SORCS3: variants seen among roughly 807,000 people sequenced by gnomAD.
The protein encoded by SORCS3 is sortilin related VPS10 domain containing receptor 3.
Under a neutral mutation model 146.3 loss-of-function variants are expected in SORCS3, and 57 were observed. The observed-to-expected ratio is 0.39, with a 90% CI of 0.31 to 0.49. SORCS3 has a LOEUF of 0.49. Among genes scored for constraint, SORCS3 ranks in the 20% least tolerant of loss-of-function variants. The pLI is 0.92. For missense variants in SORCS3, 1,341 were observed against 1,575.5 expected (o/e 0.85, Z 2.52); for synonymous variants, 653 against 618.5 (o/e 1.06, Z -0.83).
chr10:105,005,328 A>G (rs897827449), intron 4 of SORCS3, among the ~76,000 whole-genome samples: 2 of 152,226 alleles, frequency 1.3e-5, no homozygotes, highest in African/African-American at 4.8e-5. Context: ...ACATGGAACT[A>G]CACAAATTTT....
intron 7 of SORCS3, among the ~76,000 whole-genome samples, chr10:105,123,194 T>C (rs2055947629): frequency 6.6e-6 from 1 of 152,234 alleles, no homozygotes; most frequent in South Asian, 2.1e-4. Flanking sequence ...AGACTCTTCA[T>C]CCCTTTGGGG....
chr10:105,258,163 A>G (rs564209361), intron 25 of SORCS3, among the ~76,000 whole-genome samples: 4 of 152,206 alleles, frequency 2.6e-5, no homozygotes, highest in South Asian at 4.1e-4. Context: ...CAGGAATTCT[A>G]TCAACACCCT....
At chr10:104,984,776 T>C (rs12265655) in intron 4 of SORCS3, among the ~76,000 whole-genome samples, 48,605 of 152,052 alleles carry the variant, frequency 0.32, 10,533 homozygotes, top group African/African-American at 0.61. Flanking sequence ...TAGCAAGTCA[T>C]GTGAACTTTT....
chr10:104,790,102 C>T (rs2017479346), intron 1 of SORCS3, among the ~76,000 whole-genome samples: 1 of 152,160 alleles, frequency 6.6e-6, no homozygotes, highest in African/African-American at 2.4e-5. Flanking sequence ...TGCAGAAGCA[C>T]CAAGGTGCAG....
chr10:105,201,250 A>C lies in SORCS3; in HGVS notation c.2258A>C (p.Glu753Ala). 6 of 1,605,882 alleles carry C rather than the reference A, an allele frequency of 3.7e-6. No individual in the cohort carries two copies. The highest frequency in any genetic ancestry group is 5.1e-6 in the Non-Finnish European group (6 of 1,176,906). The stretch of plus-strand genomic sequence containing the variant: ...TGTGTCTGTGCCAATTGGGACTTCG[A>C]GTGGTGAGTTGTTTGGCATTTCATT... ...EPCVCANWDFECDYGYERHGE... is the reference protein window; with the variant it reads ...EPCVCANWDFACDYGYERHGE... Residue 753 changes from glutamate to alanine, a missense_variant, in exon 16 of 27, where the codon GAG (glutamate) becomes GCG (alanine). Coordinates refer to ENST00000369701, the MANE Select transcript of SORCS3 (RefSeq NM_014978.3).
intron 3 of SORCS3, among the ~76,000 whole-genome samples, chr10:104,924,693 T>C (rs1376428767): frequency 6.6e-6 from 1 of 152,222 alleles, no homozygotes; most frequent in Non-Finnish European, 1.5e-5. Flanking sequence ...GTTAACTACC[T>C]GTATGGCACT....
intron 2 of SORCS3, among the ~76,000 whole-genome samples, chr10:104,879,435 CAT>C (rs2018609571): frequency 6.6e-6 from 1 of 152,162 alleles, no homozygotes; most frequent in Admixed American, 6.5e-5. Context: ...TGTATAGACT[CAT>C]ATGATTAGAT....
chr10:104,850,994 G>T (rs531301956), intron 2 of SORCS3, among the ~76,000 whole-genome samples: 2 of 152,284 alleles, frequency 1.3e-5, no homozygotes, highest in South Asian at 2.1e-4. Context: ...GCAGACATTA[G>T]CCAGAACACC....
rs1319738812 is a variant in SORCS3 at position 105,147,555 on chromosome 10, C to G, written c.1303-62C>G. On this transcript the variant is annotated intron_variant, in intron 8 of 26. Transcript: ENST00000369701. Reference sequence around the variant, plus strand: ...TTCATAAGTCATAGTAATTACTTGGCATCCCAATGGGCAGAGAGATATGGA... The same window carrying G: ...TTCATAAGTCATAGTAATTACTTGGGATCCCAATGGGCAGAGAGATATGGA... The G allele has an allele frequency of 3.5e-6, 5 of 1,410,522 alleles. No homozygotes were observed. In the East Asian group the frequency reaches 9.6e-5, roughly 27 times the overall value. The allele number at this position is 1,410,522 out of a possible 1,614,324, so 87.4% of individuals were successfully genotyped here. A position where few individuals can be genotyped will look rare whatever the true frequency, so the allele number is the denominator to read the frequency against.
At chr10:104,804,013 G>T (rs1230808858) in intron 1 of SORCS3, among the ~76,000 whole-genome samples, 1 of 152,116 alleles carries the variant, frequency 6.6e-6, no homozygotes, top group African/African-American at 2.4e-5. Context: ...CTGTTTTGGG[G>T]TTTCTATTCA....
chr10:104,710,798 C>G (rs2016406330), intron 1 of SORCS3, among the ~76,000 whole-genome samples: 2 of 152,038 alleles, frequency 1.3e-5, no homozygotes, highest in Non-Finnish European at 2.9e-5. Context: ...CTGAGTTCCT[C>G]TCTCATTAAG....
intron 1 of SORCS3, among the ~76,000 whole-genome samples, chr10:104,652,574 G>T (rs1443906685): frequency 6.6e-6 from 1 of 152,180 alleles, no homozygotes; most frequent in African/African-American, 2.4e-5. Flanking sequence ...TGCAGCTCTT[G>T]CCTTCTTCTG....
chr10:104,757,866 C>T lies in SORCS3; in HGVS notation c.628-84926C>T, dbSNP rs993874734. ...GTTCCCCACTGCCACCACCCCCCCC[C>T]CCACACCCGCTGCCTTGATGCTGAT... On this transcript the variant is annotated intron_variant, in intron 1 of 26. Transcript: ENST00000369701. Among the ~76,000 whole-genome samples the T allele has an allele frequency of 1.2e-3, 16 of 13,454 alleles. 1 individual carries two copies. In the Admixed American group the frequency reaches 0.013, roughly 11 times the overall value. The allele number at this position is 13,454 out of a possible 152,430, so 8.8% of individuals were successfully genotyped here.
At chr10:104,854,134 A>G (rs1196711572) in intron 2 of SORCS3, among the ~76,000 whole-genome samples, 2 of 152,198 alleles carry the variant, frequency 1.3e-5, no homozygotes, top group Non-Finnish European at 2.9e-5. Flanking sequence ...TCATTTCCAC[A>G]TCTGTTCTCC....
rs370493982 is a variant in SORCS3, at chr10:105,025,532, C to T, written c.955-17523C>T. Among the ~76,000 whole-genome samples, 73 of 152,244 alleles carry T rather than the reference C, an allele frequency of 4.8e-4. 2 individuals carry two copies. The South Asian group carries it at 0.014, about 29-fold the overall frequency. On this transcript the variant is annotated intron_variant, in intron 4 of 26. Transcript: ENST00000369701. ...TGAGGCCAGCAAAATTATACTTTCT[C>T]GTGTCTTTCTTCAGATAAATTGGAG...
intron 7 of SORCS3, among the ~76,000 whole-genome samples, chr10:105,130,934 T>C (rs948704695): frequency 6.6e-6 from 1 of 152,126 alleles, no homozygotes; most frequent in African/African-American, 2.4e-5. Flanking sequence ...TTCTGACTCA[T>C]AGTGTGGTCC....
intron 1 of SORCS3, among the ~76,000 whole-genome samples, chr10:104,778,300 G>A (rs180757919): frequency 3.9e-5 from 6 of 152,274 alleles, no homozygotes; most frequent in Admixed American, 3.9e-4. Flanking sequence ...GGTGGGCCTG[G>A]GAATTGGTAT....
At chr10:105,077,942 G>A (rs2133731691) in intron 5 of SORCS3, among the ~76,000 whole-genome samples, 1 of 152,262 alleles carries the variant, frequency 6.6e-6, no homozygotes, top group Admixed American at 6.5e-5. Flanking sequence ...TAATTTGGGA[G>A]GAAATCTTCC....
At chr10:104,959,209 A>G (rs1435092660) in intron 3 of SORCS3, among the ~76,000 whole-genome samples, 2 of 151,908 alleles carry the variant, frequency 1.3e-5, no homozygotes. Flanking sequence ...ACAGGAAATT[A>G]ATAGAGGGGA....
Sources: gnomAD v4.1 joint callset for allele counts (sites outside exome capture counted in the v4.1 genomes callset) on GRCh38, gnomAD v4.1.1 for gene constraint, MANE v1.5 for transcripts, NCBI Gene and HGNC (gene_info 2026-07-23, HGNC 2026-07-21) for gene names.